The following KIFC3 variants were observed in gnomAD, a reference collection of about 807,000 sequenced individuals.
KIFC3 encodes the protein kinesin-like protein KIFC3.
KIFC3 carries 60 observed loss-of-function variants against 101.8 expected under a neutral mutation model. That is an observed-to-expected ratio of 0.59 (90% CI 0.48 to 0.73). The LOEUF is 0.73. KIFC3 is among the 30% of genes least tolerant of loss of function. The pLI is 0.00. For missense variants in KIFC3, 966 were observed against 1,137.1 expected (o/e 0.85, Z 2.16); for synonymous variants, 476 against 482.7 (o/e 0.99, Z 0.18).
At chr16:57,760,511 C>T in intron 16 of KIFC3, 95 bp from the exon 17 acceptor site, 1 of 1,455,116 alleles carries the variant, frequency 6.9e-7, no homozygotes. Context: ...CAGAAGGCTT[C>T]CTGGAGAGGC....
In KIFC3 at chr16:57,758,460, GGGGA is replaced by G; in HGVS notation, c.*470_*473del. 2.6e-6 allele frequency: 1 copy of G among 390,146 alleles called. No homozygotes were observed. The highest frequency in any genetic ancestry group is 4.9e-6 in the Non-Finnish European group (1 of 202,674). 24.2% of individuals were successfully genotyped at this position (390,146 alleles called of 1,614,324 possible). ...GGAACCCTCCTTGAAGGAGAGGGGC[GGGGA>G]GGGCTGCCATTGGTGCCACCAACCC... On this transcript the variant is annotated 3_prime_UTR_variant, in exon 20 of 20. Transcript: ENST00000445690.
chr16:57,856,929 A>G (rs1402560280), intron 1 of KIFC3, among the ~76,000 whole-genome samples: 1 of 152,224 alleles, frequency 6.6e-6, no homozygotes, highest in Non-Finnish European at 1.5e-5. Flanking sequence ...TTAGGTCCAG[A>G]TGGTTTTACT....
chr16:57,855,485 C>A (rs1369098016), intron 1 of KIFC3, among the ~76,000 whole-genome samples: 1 of 151,608 alleles, frequency 6.6e-6, no homozygotes, highest in South Asian at 2.1e-4. Context: ...AGCAAAAGTA[C>A]AACATATAAA....
At chr16:57,860,758 G>A (rs1472289141) in intron 1 of KIFC3, among the ~76,000 whole-genome samples, 2 of 151,994 alleles carry the variant, frequency 1.3e-5, no homozygotes, top group African/African-American at 4.8e-5. Flanking sequence ...TGTCACCCAG[G>A]CTGGAGTACA....
chr16:57,797,625 C>G, intron 2 of KIFC3: 1 of 1,002,578 alleles, frequency 1.0e-6, no homozygotes, highest in South Asian at 2.8e-5. Flanking sequence ...CCTCGGTCCA[C>G]TCCCAACGCC....
chr16:57,771,624 C>G lies in KIFC3; in HGVS notation c.444G>C (p.Gln148His). 3 of 1,613,336 alleles carry G rather than the reference C, an allele frequency of 1.9e-6. No homozygotes were observed. Among genetic ancestry groups the G allele is most frequent in the Non-Finnish European group, 1.7e-6 (2 of 1,179,956 alleles). Residue 148 changes from glutamine (Q) to histidine (H), a missense_variant, in exon 5 of 20, where the codon CAG becomes CAC. By Grantham distance (24) the Gln-to-His change is conservative. Around this residue, in one of 2 missense-constraint regions of KIFC3, gnomAD observed 277 missense variants for 252.5 expected, o/e 1.10. Transcript: ENST00000445690. ...GCTCGGCCTCACAGCGCCGCATCTCCTGCCTCAGTCGCTCATTCTCCACCA... is the reference window on the plus strand; with the variant it reads ...GCTCGGCCTCACAGCGCCGCATCTCGTGCCTCAGTCGCTCATTCTCCACCA... The part of the protein sequence containing the change: ...LLMVENERLR[Q>H]EMRRCEAELQ...
intron 3 of KIFC3, among the ~76,000 whole-genome samples, chr16:57,780,440 G>C (rs1393621495): frequency 6.6e-6 from 1 of 151,878 alleles, no homozygotes; most frequent in Non-Finnish European, 1.5e-5. Flanking sequence ...GAACTCAGGA[G>C]GCAGAGGTTG....
intron 6 of KIFC3, among the ~76,000 whole-genome samples, chr16:57,770,901 TA>T (rs2051093952): frequency 6.6e-6 from 1 of 152,032 alleles, no homozygotes; most frequent in Admixed American, 6.6e-5. Context: ...AACAAGAGGC[TA>T]CTATGAGCCT....
At chr16:57,794,255 C>T (rs2054120619) in intron 3 of KIFC3, among the ~76,000 whole-genome samples, 1 of 147,122 alleles carries the variant, frequency 6.8e-6, no homozygotes, top group Non-Finnish European at 1.5e-5. Flanking sequence ...TTTTTTGAGA[C>T]AGGGTCTCAC....
At chr16:57,762,329 GTGT>G in intron 12 of KIFC3, 59 bp from the exon 13 acceptor site, 1 of 1,428,156 alleles carries the variant, frequency 7.0e-7, no homozygotes, top group Admixed American at 2.5e-5. Context: ...CGCTCGTGTG[GTGT>G]CTGTCCCCAA....
chr16:57,771,120 GC>G (rs541756883), intron 6 of KIFC3, 77 bp downstream of exon 6: 94 of 1,551,428 alleles, frequency 6.1e-5, no homozygotes, highest in African/African-American at 8.1e-5. Flanking sequence ...ACCAGGACAA[GC>G]CCCCCTTATG....
chr16:57,838,887 G>A (rs1269525385), intron 1 of KIFC3, among the ~76,000 whole-genome samples: 2 of 152,098 alleles, frequency 1.3e-5, no homozygotes, highest in Non-Finnish European at 1.5e-5. Context: ...GTGTAGCTGC[G>A]TTACGCTTTC....
At chr16:57,825,749 C>T (rs1555630688) in intron 1 of KIFC3, among the ~76,000 whole-genome samples, 1 of 152,220 alleles carries the variant, frequency 6.6e-6, no homozygotes, top group Non-Finnish European at 1.5e-5. Context: ...ATGATCTCAG[C>T]TCACTGCAGC....
chr16:57,853,510 C>G (rs1235852078), intron 1 of KIFC3, among the ~76,000 whole-genome samples: 2 of 152,076 alleles, frequency 1.3e-5, no homozygotes, highest in East Asian at 1.9e-4. Context: ...ATAGAGGGAA[C>G]AAACAGAAAA....
At chr16:57,779,396 G>A (rs934984163) in intron 3 of KIFC3, 14 of 152,196 alleles carry the variant, frequency 9.2e-5, no homozygotes, top group African/African-American at 3.1e-4. Context: ...GATGGCGAAT[G>A]AGGAGTTACT....
intron 1 of KIFC3, among the ~76,000 whole-genome samples, chr16:57,823,761 T>TGTGTGTGTGTGTGTGTGTG (rs1568088450): frequency 4.4e-5 from 6 of 136,620 alleles, no homozygotes; most frequent in Non-Finnish European, 9.4e-5. Context: ...CCCGGCTACT[T>TGTGTGTGTGTGTGTGTGTG]TGTGTGTGTG....
chr16:57,837,762 A>G (rs1044709461), intron 1 of KIFC3, among the ~76,000 whole-genome samples: 7 of 152,092 alleles, frequency 4.6e-5, no homozygotes, highest in East Asian at 1.9e-4. Context: ...GCTCCTAGAC[A>G]AGGCCTTGGG....
At chr16:57,837,704 G>A (rs79236583) in intron 1 of KIFC3, among the ~76,000 whole-genome samples, 3,111 of 152,236 alleles carry the variant, frequency 0.02, 98 homozygotes, top group African/African-American at 0.071. Context: ...AAGGATGAGG[G>A]TGTGTCTGTT....
At chr16:57,759,059 G>A in intron 19 of KIFC3, 66 bp downstream of exon 19, 1 of 1,541,198 alleles carries the variant, frequency 6.5e-7, no homozygotes, top group South Asian at 1.2e-5. Flanking sequence ...GAACGTCCCA[G>A]CGCAGCCCTG....
Sources: gnomAD v4.1 joint callset for allele counts (sites outside exome capture counted in the v4.1 genomes callset) on GRCh38, gnomAD v4.1.1 for gene constraint, gnomAD v4.1.1 regional missense constraint, MANE v1.5 for transcripts, NCBI Gene and HGNC (gene_info 2026-07-23, HGNC 2026-07-21) for gene names.